Variants in ZSCAN30 observed in about 807,000 individuals in gnomAD.
ZSCAN30 encodes the protein zinc finger and SCAN domain containing 30.
In ZSCAN30, 37 loss-of-function variants were observed where a neutral mutation model predicts 44.3. The ratio of observed to expected loss-of-function variants is 0.84; its 90% CI spans 0.64 to 1.10. The LOEUF (loss-of-function observed/expected upper bound fraction) is 1.10. Among genes scored for constraint, ZSCAN30 ranks in the 50% least tolerant of loss-of-function variants. ZSCAN30 has a pLI of 0.00. For synonymous variants in ZSCAN30, 181 were observed against 204.6 expected (o/e 0.88, Z 0.98); for missense variants, 549 against 582.6 (o/e 0.94, Z 0.59).
At chr18:35,265,880 C>G (rs1477402964) in intron 1 of ZSCAN30, among the ~76,000 whole-genome samples, 1 of 151,870 alleles carries the variant, frequency 6.6e-6, no homozygotes, top group African/African-American at 2.4e-5. Flanking sequence ...TGACCAAGAC[C>G]AAGGAGAAAG....
Position 35,254,659 on chromosome 18 carries a change from T to C in ZSCAN30, c.554-278A>G, listed in dbSNP as rs193040278. ...GAGGGAATGGTGACAAACAGGAATA[T>C]TGGCGATAAACCAGGAAGCTAGGAG... On this transcript the variant is annotated intron_variant, in intron 3 of 3. Transcript: ENST00000333206. The C allele has an allele frequency of 1.7e-3, 885 of 515,050 alleles. 2 individuals carry two copies. The highest frequency in any genetic ancestry group is 2.5e-3 in the Non-Finnish European group (745 of 292,960). 31.9% of individuals were successfully genotyped at this position (515,050 alleles called of 1,614,324 possible). A position where few individuals can be genotyped will look rare whatever the true frequency, so the allele number is the denominator to read the frequency against.
chr18:35,278,865 T>A (rs756283589), intron 1 of ZSCAN30, among the ~76,000 whole-genome samples: 2 of 152,210 alleles, frequency 1.3e-5, no homozygotes, highest in Non-Finnish European at 2.9e-5. Flanking sequence ...GATTGCTTGT[T>A]CTCTAGTTTC....
At chr18:35,263,311 C>A in intron 3 of ZSCAN30, 1 of 563,582 alleles carries the variant, frequency 1.8e-6, no homozygotes, top group Non-Finnish European at 3.0e-6. Context: ...TTACTAAAGA[C>A]TTTAATTCTT....
At position 35,253,592 on chromosome 18, in the gene ZSCAN30, T is replaced by C; in HGVS notation, c.1343A>G (p.Lys448Arg). The part of the protein sequence containing the change: ...EKPYECNECG[K>R]SFNQSSALTQ... Reference sequence around the variant, plus strand: ...GAGGGCTGAGCTCTGATTGAAGGATTTTCCACATTCATTACATTCATAAGG... The same window carrying C: ...GAGGGCTGAGCTCTGATTGAAGGATCTTCCACATTCATTACATTCATAAGG... The change falls in exon 4 of 4, where the codon AAA becomes AGA. Residue 448 changes from lysine (K) to arginine (R), a missense_variant. Physicochemically the swap from Lys to Arg is conservative, Grantham distance 26. Coordinates refer to ENST00000333206, the MANE Select transcript of ZSCAN30 (RefSeq NM_001112734.4). 1.2e-6 allele frequency: 2 copies of C among 1,614,080 alleles called. No individual in the cohort carries two copies. The highest frequency in any genetic ancestry group is 1.7e-6 in the Non-Finnish European group (2 of 1,179,968).
chr18:35,288,575 G>A (rs1406582721), intron 1 of ZSCAN30, among the ~76,000 whole-genome samples: 3 of 152,124 alleles, frequency 2.0e-5, no homozygotes, highest in African/African-American at 7.2e-5. Flanking sequence ...CTGGTGATTG[G>A]ATAAACAAAC....
In ZSCAN30 at chr18:35,253,199, C is replaced by T. The variant is rs1291279321; in HGVS notation, c.*251G>A. On this transcript the variant is annotated 3_prime_UTR_variant, in exon 4 of 4. Transcript: ENST00000333206. Reference sequence around the variant, plus strand: ...GAGTGAAGGGGATATTGATGAGTCTCATCCAGAAATGGGTTAGGCATTTCA... The same window carrying T: ...GAGTGAAGGGGATATTGATGAGTCTTATCCAGAAATGGGTTAGGCATTTCA... 1.1e-5 allele frequency: 4 copies of T among 354,988 alleles called. No individual in the cohort carries two copies. Among genetic ancestry groups the T allele is most frequent in the Non-Finnish European group, 2.1e-5 (4 of 194,650 alleles). 22.0% of individuals were successfully genotyped at this position (354,988 alleles called of 1,614,324 possible).
chr18:35,258,211 T>C (rs1449659564), intron 3 of ZSCAN30: 2 of 528,806 alleles, frequency 3.8e-6, no homozygotes, highest in Non-Finnish European at 6.8e-6. Flanking sequence ...ATAAGGAGAC[T>C]TAACAGGAAC....
At chr18:35,269,145 G>T (rs2044221606) in intron 1 of ZSCAN30, 2 of 152,244 alleles carry the variant, frequency 1.3e-5, no homozygotes, top group African/African-American at 4.8e-5. Flanking sequence ...ATGACTGGAA[G>T]AGACGACTTC....
At position 35,252,119 on chromosome 18, in the gene ZSCAN30, G is replaced by C. The variant is rs1436300094; in HGVS notation, c.*1331C>G. Reference sequence around the variant, plus strand: ...GCAGGAATTAGTTGTCATAAAGCCTGGCTCAGAATCCCCATGTGTTGCTTT... The same window carrying C: ...GCAGGAATTAGTTGTCATAAAGCCTCGCTCAGAATCCCCATGTGTTGCTTT... On this transcript the variant is annotated 3_prime_UTR_variant, in exon 4 of 4. Transcript: ENST00000333206. 1.3e-5 allele frequency: 2 copies of C among 152,186 alleles called. No individual in the cohort carries two copies. Among genetic ancestry groups the C allele is most frequent in the African/African-American group, 4.8e-5 (2 of 41,442 alleles). The allele number at this position is 152,186 out of a possible 1,614,324, so 9.4% of individuals were successfully genotyped here.
At chr18:35,278,548 G>A (rs1178415932) in intron 1 of ZSCAN30, among the ~76,000 whole-genome samples, 1 of 152,076 alleles carries the variant, frequency 6.6e-6, no homozygotes, top group South Asian at 2.1e-4. Context: ...TAGTTAATTG[G>A]ATCCATAAAT....
intron 3 of ZSCAN30, among the ~76,000 whole-genome samples, chr18:35,259,498 G>C (rs2043962143): frequency 6.6e-6 from 1 of 152,184 alleles, no homozygotes; most frequent in Admixed American, 6.5e-5. Flanking sequence ...CCACTTTCTT[G>C]CTAGGTCCTC....
intron 3 of ZSCAN30, among the ~76,000 whole-genome samples, chr18:35,259,937 TG>T (rs2043985202): frequency 6.6e-6 from 1 of 152,244 alleles, no homozygotes; most frequent in South Asian, 2.1e-4. Flanking sequence ...ATGTGTGCCA[TG>T]GTGGTTTGCT....
rs1463433108 is a variant in ZSCAN30 at position 35,271,554 on chromosome 18, A to G, written c.-103-7099T>C. ...CTCTGGCTAGACATAAAAGTTCTCC[A>G]AGTCCCCACCTGACTCAGGAGCCCA... On this transcript the variant is annotated intron_variant, in intron 1 of 3. Transcript: ENST00000333206. 3.5e-4 allele frequency among the ~76,000 whole-genome samples: 29 copies of G among 83,152 alleles called. No individual in the cohort carries two copies. The Admixed American group carries it at 3.9e-3, about 11-fold the overall frequency. The allele number at this position is 83,152 out of a possible 152,430, so 54.6% of individuals were successfully genotyped here. A position where few individuals can be genotyped will look rare whatever the true frequency, so the allele number is the denominator to read the frequency against.
At chr18:35,258,201 A>G in intron 3 of ZSCAN30, 1 of 546,650 alleles carries the variant, frequency 1.8e-6, no homozygotes, top group African/African-American at 1.9e-5. Flanking sequence ...AGAGACTAGC[A>G]TAAGGAGACT....
chr18:35,263,181 C>T, intron 3 of ZSCAN30: 1 of 373,000 alleles, frequency 2.7e-6, no homozygotes, highest in Non-Finnish European at 5.1e-6. Context: ...TTCAAGGCTG[C>T]TGCAGTGAGC....
chr18:35,274,896 T>C (rs1378122774), intron 1 of ZSCAN30, among the ~76,000 whole-genome samples: 2 of 152,264 alleles, frequency 1.3e-5, no homozygotes, highest in East Asian at 1.9e-4. Flanking sequence ...TAAAAGATAG[T>C]ATCTTTTGAA....
intron 3 of ZSCAN30, chr18:35,258,150 T>G (rs1199108554): frequency 1.6e-6 from 1 of 613,174 alleles, no homozygotes; most frequent in Non-Finnish European, 2.9e-6. Flanking sequence ...AGGATCCACA[T>G]TAATTCTTCA....
At chr18:35,289,602 T>A (rs1053055624) in intron 1 of ZSCAN30, 10 of 152,234 alleles carry the variant, frequency 6.6e-5, no homozygotes, top group Admixed American at 2.0e-4. Context: ...TATCCTTTCC[T>A]ACCCTGATTA....
chr18:35,263,792 C>T, intron 2 of ZSCAN30, 135 bp from the exon 3 acceptor site: 1 of 1,373,656 alleles, frequency 7.3e-7, no homozygotes, highest in Non-Finnish European at 9.9e-7. Context: ...ACCTTAAGAG[C>T]CCTAGTGACT....
Sources: gnomAD v4.1 joint callset for allele counts (sites outside exome capture counted in the v4.1 genomes callset) on GRCh38, gnomAD v4.1.1 for gene constraint, MANE v1.5 for transcripts, NCBI Gene and HGNC (gene_info 2026-07-23, HGNC 2026-07-21) for gene names.